The following TRIP12 variants were observed in gnomAD, a reference collection of about 807,000 sequenced individuals.
TRIP12 encodes the protein E3 ubiquitin-protein ligase TRIP12.
Under a neutral mutation model 244.2 loss-of-function variants are expected in TRIP12, and 25 were observed. The observed-to-expected ratio is 0.10, with a 90% CI of 0.07 to 0.14. The LOEUF (loss-of-function observed/expected upper bound fraction) is 0.14, where lower values mean the gene tolerates loss of function less well. Ranked by LOEUF, TRIP12 falls within the 10% of genes least tolerant of loss-of-function variation. TRIP12 has a pLI of 1.00. For missense variants in TRIP12, 1,677 were observed against 2,486.4 expected, an observed-to-expected ratio of 0.67 and a Z score of 6.92; for synonymous variants, 905 against 873.1, an observed-to-expected ratio of 1.04 and a Z score of -0.64.
At chr2:229,909,525 T>C (rs1308670218) in intron 1 of TRIP12, among the ~76,000 whole-genome samples, 2 of 150,496 alleles carry the variant, frequency 1.3e-5, no homozygotes, top group Admixed American at 1.3e-4. Context: ...GCCACTGGAC[T>C]CCAGCCTAGG....
At chr2:229,805,107 G>A (rs1342378683) in intron 18 of TRIP12, among the ~76,000 whole-genome samples, 4 of 151,756 alleles carry the variant, frequency 2.6e-5, no homozygotes, top group Non-Finnish European at 4.4e-5. Flanking sequence ...GGGTTTCACC[G>A]TGTTAGCCAG....
chr2:229,813,718 AG>A, intron 13 of TRIP12, 151 bp downstream of exon 13: 2 of 422,852 alleles, frequency 4.7e-6, no homozygotes, highest in Non-Finnish European at 7.2e-6. Context: ...CAGGAGGCGG[AG>A]GTGGCAGTGA....
Position 229,795,172 on chromosome 2 carries a change from T to C in TRIP12, c.3968+7A>G. 4.3e-6 allele frequency: 7 copies of C among 1,613,266 alleles called. No individual in the cohort carries two copies. Among genetic ancestry groups the C allele is most frequent in the Non-Finnish European group, 5.9e-6 (7 of 1,179,616 alleles). On this transcript the variant is annotated splice_region_variant and intron_variant, in intron 26 of 41. Transcript: ENST00000675903. ...TGGCAAGGGTATAGCCAGGCAATGG[T>C]CCTTACCTGCCTCCTGTCCCATTTC...
intron 34 of TRIP12, among the ~76,000 whole-genome samples, chr2:229,783,865 C>T (rs1574933449): frequency 1.3e-5 from 2 of 148,292 alleles, no homozygotes; most frequent in African/African-American, 5.0e-5. Context: ...AATCCCAGCA[C>T]TTTGGGGGGC....
At chr2:229,860,357 A>C in intron 3 of TRIP12, 49 bp downstream of exon 3, 2 of 1,569,322 alleles carry the variant, frequency 1.3e-6, no homozygotes, top group South Asian at 1.2e-5. Context: ...CAATGATTTG[A>C]ATGCAAATAA....
At chr2:229,826,645 A>T (rs1446099606) in intron 8 of TRIP12, among the ~76,000 whole-genome samples, 1 of 152,214 alleles carries the variant, frequency 6.6e-6, no homozygotes, top group South Asian at 2.1e-4. Context: ...AAGATGGTAC[A>T]GCCTACTACA....
chr2:229,899,044 T>C (rs1198670429), intron 1 of TRIP12, among the ~76,000 whole-genome samples: 1 of 152,188 alleles, frequency 6.6e-6, no homozygotes, highest in Non-Finnish European at 1.5e-5. Context: ...TATTTTCTTT[T>C]CCCATTCCTT....
chr2:229,850,970 A>G (rs2058572647), intron 4 of TRIP12, among the ~76,000 whole-genome samples: 1 of 152,196 alleles, frequency 6.6e-6, no homozygotes, highest in African/African-American at 2.4e-5. Context: ...AGGCCTCGGG[A>G]GAGCAGCCCA....
chr2:229,875,316 G>A (rs1477384620), intron 2 of TRIP12, among the ~76,000 whole-genome samples: 1 of 152,122 alleles, frequency 6.6e-6, no homozygotes, highest in Non-Finnish European at 1.5e-5. Flanking sequence ...AAACCATCTT[G>A]ATTTGGGAGA....
chr2:229,789,574 G>A, intron 31 of TRIP12, 37 bp downstream of exon 31: 6 of 1,596,982 alleles, frequency 3.8e-6, no homozygotes, highest in Non-Finnish European at 5.1e-6. Flanking sequence ...ATCAATCACA[G>A]ACCATGAAAA....
intron 4 of TRIP12, among the ~76,000 whole-genome samples, chr2:229,852,457 A>G (rs2154329283): frequency 6.6e-6 from 1 of 152,296 alleles, no homozygotes; most frequent in Admixed American, 6.5e-5. Context: ...ATATTAAAAT[A>G]TAAAAAGATT....
At chr2:229,848,180 T>C (rs1327293872) in intron 4 of TRIP12, among the ~76,000 whole-genome samples, 1 of 152,118 alleles carries the variant, frequency 6.6e-6, no homozygotes, top group Non-Finnish European at 1.5e-5. Context: ...AAACCTCCCT[T>C]ATGTACTCAG....
chr2:229,787,673 T>C lies in TRIP12; in HGVS notation c.4839-12A>G, dbSNP rs1334995895. 12 of 1,588,462 alleles carry C rather than the reference T, an allele frequency of 7.6e-6. No homozygotes were observed. The highest frequency in any genetic ancestry group is 9.4e-6 in the Non-Finnish European group (11 of 1,167,756). On this transcript the variant is annotated splice_polypyrimidine_tract_variant and intron_variant, in intron 32 of 41. Coordinates refer to ENST00000675903, the MANE Select transcript of TRIP12 (RefSeq NM_001348323.3). ...GAAAGAAAAATGGGCTGTAAAAAGA[T>C]GCAATGTAAGTTTATTATCTGGATG...
At chr2:229,902,348 CCAGTCTGGGCAATG>C (rs2071177187) in intron 1 of TRIP12, among the ~76,000 whole-genome samples, 1 of 152,116 alleles carries the variant, frequency 6.6e-6, no homozygotes, top group Non-Finnish European at 1.5e-5. Context: ...CCACTCTACT[CCAGTCTGGGCAATG>C]CAGCGAGACT....
chr2:229,894,423 A>C (rs1406456708), intron 1 of TRIP12: 4 of 152,218 alleles, frequency 2.6e-5, no homozygotes, highest in African/African-American at 9.6e-5. Context: ...TAAGGATTAC[A>C]CAATTTAATA....
Position 229,823,981 on chromosome 2 carries a change from C to T in TRIP12, c.1450+5212G>A, listed in dbSNP as rs141467813. On this transcript the variant is annotated intron_variant, in intron 8 of 41. Transcript: ENST00000675903. ...AGAAACTGCAAGAAGAAACTAAGAG[C>T]ACTGCAAAGGTTAAGCATGTTGGCA... Among the ~76,000 whole-genome samples the T allele has an allele frequency of 4.4e-3, 676 of 152,050 alleles. 5 individuals carry two copies. Among genetic ancestry groups the T allele is most frequent in the African/African-American group, 0.015 (628 of 41,482 alleles).
At chr2:229,838,005 A>G (rs917427172) in intron 5 of TRIP12, among the ~76,000 whole-genome samples, 4 of 152,204 alleles carry the variant, frequency 2.6e-5, no homozygotes, top group African/African-American at 9.7e-5. Flanking sequence ...GATAGCATTT[A>G]AACAAAAGCT....
At chr2:229,861,614 A>G (rs2060496103) in intron 2 of TRIP12, among the ~76,000 whole-genome samples, 2 of 152,154 alleles carry the variant, frequency 1.3e-5, no homozygotes, top group Non-Finnish European at 2.9e-5. Context: ...AATAATTCTA[A>G]CTCAATCTGT....
At chr2:229,917,004 T>C (rs2075548014) in intron 1 of TRIP12, among the ~76,000 whole-genome samples, 1 of 152,136 alleles carries the variant, frequency 6.6e-6, no homozygotes, top group Non-Finnish European at 1.5e-5. Flanking sequence ...TGTCTTCAAG[T>C]CTGTAACACA....
Sources: gnomAD v4.1 joint callset for allele counts (sites outside exome capture counted in the v4.1 genomes callset) on GRCh38, gnomAD v4.1.1 for gene constraint, MANE v1.5 for transcripts, NCBI Gene and HGNC (gene_info 2026-07-23, HGNC 2026-07-21) for gene names.